Variants in ANKS1B observed in about 807,000 individuals in gnomAD.
ANKS1B encodes the protein ankyrin repeat and sterile alpha motif domain containing 1B, also known as ankyrin repeat and sterile alpha motif domain-containing protein 1B.
A neutral mutation model predicts 148.3 loss-of-function variants in ANKS1B; 36 were observed. The observed-to-expected ratio is 0.24, with a 90% CI of 0.19 to 0.32. The LOEUF (loss-of-function observed/expected upper bound fraction) is 0.32, where lower values mean the gene tolerates loss of function less well. Ranked by LOEUF, ANKS1B falls within the 10% of genes least tolerant of loss-of-function variation. The probability of loss-of-function intolerance (pLI) is 1.00; values close to 1 mark genes in which losing one functional copy is unlikely to be tolerated. For synonymous variants in ANKS1B, 542 were observed against 560.8 expected (o/e 0.97, Z 0.47); for missense variants, 1,157 against 1,542.6 (o/e 0.75, Z 4.19).
intron 4 of ANKS1B, among the ~76,000 whole-genome samples, chr12:99,793,671 C>A (rs936336812): frequency 5.9e-5 from 9 of 151,986 alleles, no homozygotes; most frequent in African/African-American, 2.2e-4. Context: ...AAAATCAAAT[C>A]AAAATGGATT....
intron 17 of ANKS1B, among the ~76,000 whole-genome samples, chr12:98,912,033 T>A (rs1200569995): frequency 1.3e-5 from 2 of 152,218 alleles, no homozygotes; most frequent in African/African-American, 4.8e-5. Flanking sequence ...TGAAATGGTT[T>A]CTTGATAATA....
intron 17 of ANKS1B, among the ~76,000 whole-genome samples, chr12:99,049,958 A>T (rs1306058970): frequency 6.6e-6 from 1 of 152,126 alleles, no homozygotes; most frequent in Non-Finnish European, 1.5e-5. Flanking sequence ...TTCTCTTTTC[A>T]CTTAACATAG....
At chr12:99,232,916 G>T (rs142343201) in intron 14 of ANKS1B, among the ~76,000 whole-genome samples, 247 of 152,106 alleles carry the variant, frequency 1.6e-3, no homozygotes, top group Admixed American at 2.7e-3. Context: ...CTATAAAGTT[G>T]AGAATTCCCA....
At chr12:99,348,065 A>T (rs899500015) in intron 12 of ANKS1B, among the ~76,000 whole-genome samples, 6 of 152,052 alleles carry the variant, frequency 3.9e-5, no homozygotes, top group African/African-American at 1.4e-4. Context: ...AAATCTCTAG[A>T]AGGTTTCTAC....
intron 4 of ANKS1B, among the ~76,000 whole-genome samples, chr12:99,792,687 A>G (rs997307596): frequency 6.6e-6 from 1 of 151,824 alleles, no homozygotes; most frequent in Non-Finnish European, 1.5e-5. Context: ...AAAAATAGTC[A>G]AAACACCTCA....
chr12:99,460,431 A>T (rs1567142775), intron 10 of ANKS1B, among the ~76,000 whole-genome samples: 1 of 152,206 alleles, frequency 6.6e-6, no homozygotes, highest in Non-Finnish European at 1.5e-5. Flanking sequence ...TAATTAAACT[A>T]AAAAGCTTCT....
intron 15 of ANKS1B, among the ~76,000 whole-genome samples, chr12:99,111,924 C>T (rs2060369359): frequency 1.3e-5 from 2 of 152,168 alleles, no homozygotes; most frequent in Admixed American, 6.5e-5. Context: ...GGATATATTA[C>T]CATTTGATTG....
chr12:99,755,595 A>C (rs2061492670), intron 8 of ANKS1B, among the ~76,000 whole-genome samples: 1 of 18,046 alleles, frequency 5.5e-5, no homozygotes, highest in African/African-American at 2.1e-4. Context: ...AAAAATCCTC[A>C]AAAAAAAAAA....
At chr12:98,854,825 A>C (rs2099553361) in intron 17 of ANKS1B, among the ~76,000 whole-genome samples, 1 of 152,180 alleles carries the variant, frequency 6.6e-6, no homozygotes, top group East Asian at 1.9e-4. Context: ...TCAACATTTC[A>C]CTCATTTCCC....
intron 10 of ANKS1B, among the ~76,000 whole-genome samples, chr12:99,458,493 A>G (rs530960379): frequency 1.9e-4 from 29 of 152,070 alleles, no homozygotes; most frequent in African/African-American, 6.7e-4. Context: ...GAAAAGATAA[A>G]TAAAATTGAT....
At chr12:99,827,210 T>C (rs1396335321) in intron 1 of ANKS1B, among the ~76,000 whole-genome samples, 3 of 151,984 alleles carry the variant, frequency 2.0e-5, no homozygotes, top group Non-Finnish European at 4.4e-5. Flanking sequence ...AATAAAATAT[T>C]ATTCAGCCCT....
At chr12:99,576,827 G>C (rs968448196) in intron 9 of ANKS1B, among the ~76,000 whole-genome samples, 1 of 151,806 alleles carries the variant, frequency 6.6e-6, no homozygotes, top group Non-Finnish European at 1.5e-5. Flanking sequence ...ATTGGGTGAT[G>C]CTGAGGTTTG....
chr12:99,861,349 G>C (rs969202846), intron 1 of ANKS1B, among the ~76,000 whole-genome samples: 4 of 152,100 alleles, frequency 2.6e-5, no homozygotes, highest in Non-Finnish European at 5.9e-5. Context: ...AAATTCCCTT[G>C]TACAGTAAAT....
At chr12:99,108,227 G>A (rs561104785) in intron 15 of ANKS1B, among the ~76,000 whole-genome samples, 35 of 152,266 alleles carry the variant, frequency 2.3e-4, no homozygotes, top group African/African-American at 8.2e-4. Context: ...AAGATAAGCC[G>A]AATGACAGAA....
At chr12:99,766,214 G>A (rs960366365) in intron 8 of ANKS1B, among the ~76,000 whole-genome samples, 1 of 152,062 alleles carries the variant, frequency 6.6e-6, no homozygotes, top group Non-Finnish European at 1.5e-5. Context: ...CTACATTCAA[G>A]GCACCGTGTG....
At chr12:99,684,280 A>C (rs774044082) in intron 8 of ANKS1B, among the ~76,000 whole-genome samples, 3 of 152,010 alleles carry the variant, frequency 2.0e-5, no homozygotes, top group Non-Finnish European at 4.4e-5. Flanking sequence ...TGACAAAATC[A>C]ATATATACAA....
chr12:98,752,820 G>A (rs1052766115), intron 25 of ANKS1B, among the ~76,000 whole-genome samples: 1 of 152,114 alleles, frequency 6.6e-6, no homozygotes, highest in Non-Finnish European at 1.5e-5. Context: ...CCTTGCCTGT[G>A]AGGATGATCC....
chr12:98,792,501 T>C (rs954521518), intron 22 of ANKS1B, among the ~76,000 whole-genome samples: 2 of 152,160 alleles, frequency 1.3e-5, no homozygotes, highest in African/African-American at 2.4e-5. Flanking sequence ...AGTACAGCAT[T>C]GTTAGCTACA....
chr12:99,280,862 C>T (rs1001646453), intron 12 of ANKS1B, among the ~76,000 whole-genome samples: 4 of 150,968 alleles, frequency 2.6e-5, no homozygotes, highest in Non-Finnish European at 5.9e-5. Flanking sequence ...CTCTCTCTCT[C>T]TCTGTCTGTC....
Sources: allele counts gnomAD v4.1 joint callset (sites outside exome capture counted in the v4.1 genomes callset), GRCh38; gene constraint gnomAD v4.1.1; transcripts MANE v1.5; gene names NCBI Gene and HGNC (gene_info 2026-07-23, HGNC 2026-07-21).